Variants in TLL2 observed in about 807,000 individuals in gnomAD.
TLL2 encodes the protein tolloid like 2, also known as tolloid-like protein 2.
In TLL2, 106 loss-of-function variants were observed where a neutral mutation model predicts 123.0. The ratio of observed to expected loss-of-function variants is 0.86; its 90% CI spans 0.74 to 1.01. The LOEUF is 1.01. TLL2 is among the 50% of genes least tolerant of loss of function. The pLI is 0.00. For synonymous variants in TLL2, 494 were observed against 516.8 expected (o/e 0.96, Z 0.60); for missense variants, 1,332 against 1,336.7 (o/e 1.00, Z 0.06).
At chr10:96,423,599 A>G (rs1846647434) in intron 5 of TLL2, among the ~76,000 whole-genome samples, 1 of 152,084 alleles carries the variant, frequency 6.6e-6, no homozygotes, top group African/African-American at 2.4e-5. Flanking sequence ...GCCTCGGGGG[A>G]GAGGATGACA....
chr10:96,513,647 C>T lies in TLL2; in HGVS notation c.39G>A (p.Leu13=). The T allele has an allele frequency of 6.3e-7, 1 of 1,586,568 alleles. No homozygotes were observed. ...RATALGALVS[L]LLLLPLPRGA... is the part of the protein sequence containing the mutation. Reference sequence around the variant, plus strand: ...CGCGAGGCAGCGGCAGCAGCAGCAGCAGTGACACCAGGGCCCCAAGTGCAG... The same window carrying T: ...CGCGAGGCAGCGGCAGCAGCAGCAGTAGTGACACCAGGGCCCCAAGTGCAG... Residue 13 remains leucine, a synonymous_variant, in exon 1 of 21, where the codon CTG becomes CTA. Coordinates refer to ENST00000357947, the MANE Select transcript of TLL2 (RefSeq NM_012465.4).
intron 2 of TLL2, among the ~76,000 whole-genome samples, chr10:96,478,056 G>A (rs1847277515): frequency 6.6e-6 from 1 of 152,262 alleles, no homozygotes; most frequent in Non-Finnish European, 1.5e-5. Context: ...CCTTGAGCAA[G>A]TGGCATGAGG....
chr10:96,465,721 T>C (rs1397966677), intron 2 of TLL2, among the ~76,000 whole-genome samples: 1 of 152,050 alleles, frequency 6.6e-6, no homozygotes, highest in Non-Finnish European at 1.5e-5. Flanking sequence ...ATACCTAGAG[T>C]TGGCAGGGGG....
At chr10:96,401,946 C>G (rs1469472794) in intron 10 of TLL2, among the ~76,000 whole-genome samples, 1 of 152,234 alleles carries the variant, frequency 6.6e-6, no homozygotes, top group Non-Finnish European at 1.5e-5. Context: ...TTGGGTTCAG[C>G]AGTCACCTCT....
intron 2 of TLL2, among the ~76,000 whole-genome samples, chr10:96,467,425 G>C (rs1760771092): frequency 6.6e-6 from 1 of 152,080 alleles, no homozygotes. Context: ...TCAAGACAGA[G>C]TCTTGCTATG....
At chr10:96,438,757 C>T (rs1432720862) in intron 3 of TLL2, among the ~76,000 whole-genome samples, 1 of 152,210 alleles carries the variant, frequency 6.6e-6, no homozygotes, top group Non-Finnish European at 1.5e-5. Flanking sequence ...GGTGTTTGGT[C>T]TTTCGACCAT....
intron 7 of TLL2, among the ~76,000 whole-genome samples, chr10:96,418,515 C>T (rs1479150114): frequency 6.6e-6 from 1 of 152,086 alleles, no homozygotes; most frequent in Non-Finnish European, 1.5e-5. Flanking sequence ...GTCCTCCTGG[C>T]CCCTTTGAAC....
rs1401433287 is a variant in TLL2 at position 96,368,103 on chromosome 10, C to T, written c.3033G>A (p.Leu1011=). The T allele has an allele frequency of 1.2e-6, 2 of 1,614,068 alleles. No homozygotes were observed. Among genetic ancestry groups the T allele is most frequent in the African/African-American group, 2.7e-5 (2 of 74,922 alleles). The change falls in exon 21 of 21, where the codon CTG becomes CTA. Residue 1011 remains leucine, a synonymous_variant. Coordinates refer to ENST00000357947, the MANE Select transcript of TLL2 (RefSeq NM_012465.4). ...RYTSTKFQDA[L]HMKK Reference sequence around the variant, plus strand: ...AACATCAGCACTATTTCTTCATGTGCAGGGCATCCTGGAACTTGGTGCTGG... The same window carrying T: ...AACATCAGCACTATTTCTTCATGTGTAGGGCATCCTGGAACTTGGTGCTGG...
chr10:96,434,760 C>T (rs1279026261), intron 3 of TLL2, among the ~76,000 whole-genome samples: 1 of 152,150 alleles, frequency 6.6e-6, no homozygotes, highest in Non-Finnish European at 1.5e-5. Flanking sequence ...GAGAAACTAC[C>T]AGACTGTTTT....
At chr10:96,433,900 C>T (rs117654209) in intron 3 of TLL2, among the ~76,000 whole-genome samples, 314 of 152,176 alleles carry the variant, frequency 2.1e-3, no homozygotes, top group Non-Finnish European at 3.8e-3. Flanking sequence ...TTCAGCCTCC[C>T]GAGTAGTTGG....
chr10:96,370,070 A>T lies in TLL2; in HGVS notation c.2908T>A (p.Ser970Thr), dbSNP rs1204506459. Residue 970 changes from serine (S) to threonine (T), a missense_variant, in exon 20 of 21, where the codon TCT becomes ACT. Transcript: ENST00000357947. ...SAPRLGRFCGSGPLEEIYSAG... is the reference protein window; with the variant it reads ...SAPRLGRFCGTGPLEEIYSAG... The stretch of plus-strand genomic sequence containing the variant: ...CCAGCGTCTCCGGGACTTACCCCAG[A>T]GCCACAGAAGCGGCCGAGCCTGGGC... 2 of 1,588,898 alleles carry T rather than the reference A, an allele frequency of 1.3e-6. No individual in the cohort carries two copies. Among genetic ancestry groups the T allele is most frequent in the Non-Finnish European group, 1.7e-6 (2 of 1,167,262 alleles).
rs1846640644 is a variant in TLL2, at chr10:96,422,958, T to C, written c.639-231A>G. Among the ~76,000 whole-genome samples the C allele has an allele frequency of 1.3e-5, 2 of 152,012 alleles. 1 individual carries two copies. The highest frequency in any genetic ancestry group is 3.9e-4 in the East Asian group (2 of 5,182). On this transcript the variant is annotated intron_variant, in intron 5 of 20. Coordinates refer to ENST00000357947, the MANE Select transcript of TLL2 (RefSeq NM_012465.4). Reference sequence around the variant, plus strand: ...GCCTGGCCAACATGGTGAAACCCTGTCTCTACTGAAAATATAAAAATTAGC... The same window carrying C: ...GCCTGGCCAACATGGTGAAACCCTGCCTCTACTGAAAATATAAAAATTAGC...
At chr10:96,417,301 A>C (rs1223608829) in intron 7 of TLL2, among the ~76,000 whole-genome samples, 1 of 152,230 alleles carries the variant, frequency 6.6e-6, no homozygotes, top group East Asian at 1.9e-4. Context: ...CCCAGTGAAC[A>C]AAATTGTTTT....
At chr10:96,466,755 A>G (rs1479950810) in intron 2 of TLL2, among the ~76,000 whole-genome samples, 2 of 152,244 alleles carry the variant, frequency 1.3e-5, no homozygotes, top group Admixed American at 1.3e-4. Context: ...TCCACGAGGC[A>G]TCAAAGGAAG....
intron 2 of TLL2, among the ~76,000 whole-genome samples, chr10:96,471,604 A>C (rs368672142): frequency 1.3e-5 from 2 of 152,300 alleles, no homozygotes; most frequent in African/African-American, 4.8e-5. Flanking sequence ...TAAGTGTTTT[A>C]CGTGTCACAC....
At chr10:96,452,713 G>A (rs1846973639) in intron 2 of TLL2, among the ~76,000 whole-genome samples, 1 of 152,214 alleles carries the variant, frequency 6.6e-6, no homozygotes, top group Admixed American at 6.5e-5. Flanking sequence ...TACCCTAGAC[G>A]GGTACAGGTG....
intron 10 of TLL2, among the ~76,000 whole-genome samples, chr10:96,401,053 G>T (rs975943680): frequency 1.3e-5 from 2 of 152,176 alleles, no homozygotes; most frequent in Non-Finnish European, 2.9e-5. Context: ...TAGAGAAAAG[G>T]TGTCAGATTC....
rs77614044 is a variant in TLL2, at chr10:96,398,043, C to T, written c.1268-741G>A. The stretch of plus-strand genomic sequence containing the variant: ...ACCCTGGATTCCCCTGTTGTGCCCA[C>T]CCGCCAAGGTCAGCATAGAAGTGTC... On this transcript the variant is annotated intron_variant, in intron 10 of 20. Transcript: ENST00000357947. 4.5e-3 allele frequency among the ~76,000 whole-genome samples: 683 copies of T among 152,304 alleles called. 7 individuals are homozygous for T. Among genetic ancestry groups the T allele is most frequent in the African/African-American group, 0.016 (653 of 41,560 alleles).
chr10:96,501,021 G>A (rs1015316757), intron 1 of TLL2, among the ~76,000 whole-genome samples: 8 of 152,158 alleles, frequency 5.3e-5, no homozygotes, highest in East Asian at 3.8e-4. Context: ...AAGCCAGTAG[G>A]TACAGCATTT....
Sources: gnomAD v4.1 joint callset for allele counts (sites outside exome capture counted in the v4.1 genomes callset) on GRCh38, gnomAD v4.1.1 for gene constraint, MANE v1.5 for transcripts, NCBI Gene and HGNC (gene_info 2026-07-23, HGNC 2026-07-21) for gene names.